FAM167A: variants seen among roughly 807,000 people sequenced by gnomAD.
FAM167A encodes the protein protein FAM167A.
FAM167A carries 23 observed loss-of-function variants against 14.9 expected under a neutral mutation model. The ratio of observed to expected loss-of-function variants is 1.55; its 90% CI spans 1.11 to 2.19. The LOEUF (loss-of-function observed/expected upper bound fraction) is 2.19, where lower values mean the gene tolerates loss of function less well. FAM167A is among the 30% of genes most tolerant of loss of function. The probability of loss-of-function intolerance (pLI) is 0.00; values close to 1 mark genes in which losing one functional copy is unlikely to be tolerated. For synonymous variants in FAM167A, 174 were observed against 117.7 expected (o/e 1.48, Z -3.10); for missense variants, 401 against 281.5 (o/e 1.42, Z -3.04).
intron 1 of FAM167A, among the ~76,000 whole-genome samples, chr8:11,445,744 G>C (rs1159517386): frequency 6.6e-6 from 1 of 152,162 alleles, no homozygotes; most frequent in Non-Finnish European, 1.5e-5. Context: ...GGGGTGGGCA[G>C]TGGACATGGG....
chr8:11,470,959 C>G (rs1468413775), upstream of FAM167A, among the ~76,000 whole-genome samples: 2 of 152,214 alleles, frequency 1.3e-5, no homozygotes, highest in African/African-American at 4.8e-5. Context: ...TGAGGGCCAG[C>G]TTTCTGTCTT....
chr8:11,450,599 G>A (rs969898176), intron 1 of FAM167A, among the ~76,000 whole-genome samples: 4 of 152,134 alleles, frequency 2.6e-5, no homozygotes, highest in Admixed American at 1.3e-4. Context: ...GTCAATGGTC[G>A]CCTCTAGCAG....
At chr8:11,442,029 C>CT (rs904110533) in intron 2 of FAM167A, among the ~76,000 whole-genome samples, 1 of 152,226 alleles carries the variant, frequency 6.6e-6, no homozygotes, top group Non-Finnish European at 1.5e-5. Context: ...ATATAAAGCA[C>CT]TTTTAATAAT....
In FAM167A at chr8:11,444,115, G is replaced by A; in HGVS notation, c.297C>T (p.Ser99=). The part of the protein sequence containing the change: ...GQHPPSARSA[S]QGARPLSTGK... Reference sequence around the variant, plus strand: ...CAGTGGACAGGGGTCTGGCACCTTGGCTGGCACTCCTGGCAGAAGGGGGGT... The same window carrying A: ...CAGTGGACAGGGGTCTGGCACCTTGACTGGCACTCCTGGCAGAAGGGGGGT... The change falls in exon 2 of 3, where the codon AGC becomes AGT. Residue 99 remains serine (S), a synonymous_variant. Transcript: ENST00000284486. The A allele has an allele frequency of 3.7e-6, 6 of 1,613,430 alleles. No homozygotes were observed. Among genetic ancestry groups the A allele is most frequent in the Non-Finnish European group, 5.1e-6 (6 of 1,180,002 alleles).
chr8:11,461,958 G>A (rs1386380689), intron 1 of FAM167A, among the ~76,000 whole-genome samples: 2 of 152,224 alleles, frequency 1.3e-5, no homozygotes, highest in African/African-American at 2.4e-5. Flanking sequence ...GGGTTTCCTG[G>A]TGTTTGGACG....
At position 11,421,575 on chromosome 8, in the gene FAM167A, C is replaced by T. The variant is rs570280545; in HGVS notation, c.*2798G>A. ...AATCATAAAAAATAAAAGTATAAAT[C>T]GTCCATTGATTATGTAATAGCACTT... is the stretch of plus-strand genomic sequence containing the variant. On this transcript the variant is annotated 3_prime_UTR_variant, in exon 3 of 3. Transcript: ENST00000284486. The T allele has an allele frequency of 7.5e-6, 3 of 397,458 alleles. No homozygotes were observed. Among genetic ancestry groups the T allele is most frequent in the African/African-American group, 2.1e-5 (1 of 48,578 alleles). 24.6% of individuals were successfully genotyped at this position (397,458 alleles called of 1,614,324 possible). A position where few individuals can be genotyped will look rare whatever the true frequency, so the allele number is the denominator to read the frequency against.
chr8:11,465,932 C>G (rs1008862629), intron 1 of FAM167A, among the ~76,000 whole-genome samples: 3 of 152,206 alleles, frequency 2.0e-5, no homozygotes, highest in African/African-American at 7.2e-5. Context: ...GAATTCCCTC[C>G]AAGCCCCGCC....
chr8:11,449,741 C>T lies in FAM167A; in HGVS notation c.-397-4933G>A, dbSNP rs184282155. On this transcript the variant is annotated intron_variant, in intron 1 of 2. Transcript: ENST00000284486. ...TGTGTGCCAGTGCCGAGGACCCATGCCACACACAGAGACTGCTGTTCCAAC... is the reference window on the plus strand; with the variant it reads ...TGTGTGCCAGTGCCGAGGACCCATGTCACACACAGAGACTGCTGTTCCAAC... Among the ~76,000 whole-genome samples, 26 of 152,320 alleles carry T rather than the reference C, an allele frequency of 1.7e-4. 1 individual carries two copies. The East Asian group carries it at 5.0e-3, about 29-fold the overall frequency.
intron 1 of FAM167A, among the ~76,000 whole-genome samples, chr8:11,450,506 C>A (rs1436306775): frequency 6.6e-6 from 1 of 152,204 alleles, no homozygotes; most frequent in Non-Finnish European, 1.5e-5. Context: ...GGATTTGAAC[C>A]TCTGCAGTCT....
intron 2 of FAM167A, among the ~76,000 whole-genome samples, chr8:11,440,476 C>G (rs893266404): frequency 1.3e-5 from 2 of 152,248 alleles, no homozygotes; most frequent in Non-Finnish European, 2.9e-5. Flanking sequence ...CAGCCACAGT[C>G]AGGCAATCAT....
rs1030721261 is a variant in FAM167A, at chr8:11,424,343, T to C, written c.*30A>G. ...CACCCCTCCAGCCCAAGCCCTCCGCTCCAGCCCCTCCGCCCAGTCTGAGGG... is the reference window on the plus strand; with the variant it reads ...CACCCCTCCAGCCCAAGCCCTCCGCCCCAGCCCCTCCGCCCAGTCTGAGGG... On this transcript the variant is annotated 3_prime_UTR_variant, in exon 3 of 3. Coordinates refer to ENST00000284486, the MANE Select transcript of FAM167A (RefSeq NM_053279.3). 1 of 1,611,354 alleles carries C rather than the reference T, an allele frequency of 6.2e-7. No individual in the cohort carries two copies. The highest frequency in any genetic ancestry group is 8.5e-7 in the Non-Finnish European group (1 of 1,178,008).
At chr8:11,451,191 C>T (rs1050020768) in intron 1 of FAM167A, among the ~76,000 whole-genome samples, 7 of 152,218 alleles carry the variant, frequency 4.6e-5, no homozygotes, top group Non-Finnish European at 1.0e-4. Flanking sequence ...CTGAGCTGGC[C>T]GGGGCCGCTG....
chr8:11,445,229 A>C, intron 1 of FAM167A: 5 of 985,370 alleles, frequency 5.1e-6, no homozygotes, highest in Non-Finnish European at 6.0e-6. Context: ...CTGTGGCAAC[A>C]GCCGGGGGGT....
intron 2 of FAM167A, among the ~76,000 whole-genome samples, chr8:11,426,708 C>G (rs1257781554): frequency 1.3e-5 from 2 of 152,136 alleles, no homozygotes; most frequent in African/African-American, 4.8e-5. Flanking sequence ...AGATAAGAGA[C>G]AAACGATTGC....
chr8:11,448,702 A>C (rs1806894269), intron 1 of FAM167A, among the ~76,000 whole-genome samples: 1 of 152,162 alleles, frequency 6.6e-6, no homozygotes, highest in Non-Finnish European at 1.5e-5. Context: ...AAACCATTCC[A>C]TGCCTGCTCC....
intron 2 of FAM167A, among the ~76,000 whole-genome samples, chr8:11,437,159 T>A (rs1234513335): frequency 1.3e-5 from 2 of 152,198 alleles, no homozygotes; most frequent in Non-Finnish European, 2.9e-5. Flanking sequence ...GGTGGGTGAA[T>A]CCAGACCCAC....
At chr8:11,471,640 T>TACTGATC (rs1252103440), upstream of FAM167A, among the ~76,000 whole-genome samples, 1 of 152,188 alleles carries the variant, frequency 6.6e-6, no homozygotes, top group Non-Finnish European at 1.5e-5. Flanking sequence ...CTGTTCATAG[T>TACTGATC]ACTGCCTTGA....
intron 1 of FAM167A, among the ~76,000 whole-genome samples, chr8:11,473,553 A>T (rs1009145807): frequency 6.6e-6 from 1 of 152,178 alleles, no homozygotes; most frequent in African/African-American, 2.4e-5. Flanking sequence ...ACCCACTGCC[A>T]CGTAGATGTT....
intron 2 of FAM167A, among the ~76,000 whole-genome samples, chr8:11,428,120 TA>T (rs34017664): frequency 0.32 from 49,033 of 152,110 alleles, 8,738 homozygotes; most frequent in African/African-American, 0.45. Flanking sequence ...CCCTATGGTT[TA>T]AGATTTGAGC....
Sources: gnomAD v4.1 joint callset for allele counts (sites outside exome capture counted in the v4.1 genomes callset) on GRCh38, gnomAD v4.1.1 for gene constraint, MANE v1.5 for transcripts, NCBI Gene and HGNC (gene_info 2026-07-23, HGNC 2026-07-21) for gene names.